Variants in CDH13 observed in about 807,000 individuals in gnomAD.
CDH13 encodes the protein cadherin-13.
A neutral mutation model predicts 63.8 loss-of-function variants in CDH13; 24 were observed. The ratio of observed to expected loss-of-function variants is 0.38; its 90% CI spans 0.27 to 0.53. The LOEUF is 0.53. Ranked by LOEUF, CDH13 falls within the 20% of genes least tolerant of loss-of-function variation. CDH13 has a pLI of 0.85. For missense variants in CDH13, 1,049 were observed against 903.1 expected, an observed-to-expected ratio of 1.16 and a Z score of -2.07; for synonymous variants, 503 against 355.3, an observed-to-expected ratio of 1.42 and a Z score of -4.67.
At chr16:82,663,218 C>T (rs1456863031) in intron 1 of CDH13, among the ~76,000 whole-genome samples, 3 of 152,154 alleles carry the variant, frequency 2.0e-5, no homozygotes, top group Non-Finnish European at 4.4e-5. Context: ...GGGAGTTTCG[C>T]TGTTGTTGCC....
At chr16:83,211,475 A>G (rs2039334817) in intron 4 of CDH13, among the ~76,000 whole-genome samples, 1 of 152,224 alleles carries the variant, frequency 6.6e-6, no homozygotes, top group Non-Finnish European at 1.5e-5. Flanking sequence ...AAAACCACTC[A>G]AAGCTGCTAT....
chr16:83,572,638 A>C (rs1318693163), intron 7 of CDH13, among the ~76,000 whole-genome samples: 1 of 152,184 alleles, frequency 6.6e-6, no homozygotes, highest in East Asian at 1.9e-4. Context: ...CTCGCTCACC[A>C]GTTAATTGAT....
At chr16:82,896,850 G>A (rs1374058935) in intron 2 of CDH13, among the ~76,000 whole-genome samples, 3 of 143,242 alleles carry the variant, frequency 2.1e-5, no homozygotes, top group South Asian at 2.2e-4. Flanking sequence ...GTGCAGTCTC[G>A]GCTCACTGCA....
intron 2 of CDH13, among the ~76,000 whole-genome samples, chr16:82,973,132 T>C (rs1001908826): frequency 7.2e-5 from 11 of 152,236 alleles, no homozygotes; most frequent in African/African-American, 2.7e-4. Context: ...AACAATTAAA[T>C]GCTGTCTTAC....
intron 1 of CDH13, among the ~76,000 whole-genome samples, chr16:82,637,086 A>G (rs113817075): frequency 6.6e-6 from 1 of 152,194 alleles, no homozygotes; most frequent in Non-Finnish European, 1.5e-5. Flanking sequence ...ATGCATGCAG[A>G]TTATCTAAAT....
intron 6 of CDH13, among the ~76,000 whole-genome samples, chr16:83,413,661 A>T (rs2092159345): frequency 6.6e-6 from 1 of 152,132 alleles, no homozygotes; most frequent in Non-Finnish European, 1.5e-5. Flanking sequence ...TTATCCTCAA[A>T]ACAGCCCTCC....
chr16:83,216,041 G>A (rs1244240973), intron 4 of CDH13, among the ~76,000 whole-genome samples: 4 of 149,140 alleles, frequency 2.7e-5, no homozygotes, highest in Non-Finnish European at 5.9e-5. Context: ...ACATGCTTAA[G>A]CATATGCCAG....
At chr16:83,562,355 T>C (rs551848809) in intron 7 of CDH13, among the ~76,000 whole-genome samples, 2 of 152,196 alleles carry the variant, frequency 1.3e-5, no homozygotes, top group Non-Finnish European at 2.9e-5. Context: ...TTGCAAAGTA[T>C]ATAGCAAAAA....
At position 83,079,282 on chromosome 16, in the gene CDH13, A is replaced by C. The variant is rs544299718; in HGVS notation, c.367-46103A>C. Among the ~76,000 whole-genome samples, 14 of 152,308 alleles carry C rather than the reference A, an allele frequency of 9.2e-5. No homozygotes were observed. In the South Asian group the frequency reaches 2.9e-3, roughly 32 times the overall value. On this transcript the variant is annotated intron_variant, in intron 3 of 13. Coordinates refer to ENST00000567109, the MANE Select transcript of CDH13 (RefSeq NM_001257.5). ...TTAGAATATTCCATTGTATGAACGA[A>C]CACACCTTCTTTTATTAACCTTGCC... is the stretch of plus-strand genomic sequence containing the variant.
rs984851441 is a variant in CDH13, at chr16:83,797,071, T to C, written c.*2041T>C. 2.6e-5 allele frequency: 4 copies of C among 152,280 alleles called. No individual in the cohort carries two copies. Among genetic ancestry groups the C allele is most frequent in the Admixed American group, 2.6e-4 (4 of 15,290 alleles). 9.4% of individuals were successfully genotyped at this position (152,280 alleles called of 1,614,324 possible). ...ACTCCACAAGATTTCCTCTACTGGC[T>C]TTACAGGGCACTGTCACGCGTCTCC... On this transcript the variant is annotated 3_prime_UTR_variant, in exon 14 of 14. Transcript: ENST00000567109.
chr16:83,652,769 C>T (rs1912508762), intron 8 of CDH13, among the ~76,000 whole-genome samples: 1 of 152,124 alleles, frequency 6.6e-6, no homozygotes, highest in Non-Finnish European at 1.5e-5. Context: ...AGCCTGGAGT[C>T]CCCATATGAC....
chr16:82,888,266 A>G (rs1053935521), intron 2 of CDH13, among the ~76,000 whole-genome samples: 47 of 152,192 alleles, frequency 3.1e-4, no homozygotes, highest in African/African-American at 1.1e-3. Context: ...CCATTTTCAT[A>G]TAAGCTTCAT....
intron 5 of CDH13, among the ~76,000 whole-genome samples, chr16:83,256,149 T>G (rs1906232490): frequency 6.6e-6 from 1 of 152,126 alleles, no homozygotes; most frequent in African/African-American, 2.4e-5. Flanking sequence ...GCCTCCCACA[T>G]TAGCCTTCCA....
chr16:83,688,464 A>T lies in CDH13; in HGVS notation c.1538+10003A>T, dbSNP rs74741899. On this transcript the variant is annotated intron_variant, in intron 10 of 13. Coordinates refer to ENST00000567109, the MANE Select transcript of CDH13 (RefSeq NM_001257.5). ...GGTGACTCCCACCTTTTAAATTTTA[A>T]TCAGAAGTTAAAGGCCAAATTGTAA... 6.0e-4 allele frequency among the ~76,000 whole-genome samples: 91 copies of T among 152,330 alleles called. 3 individuals carry two copies. In the East Asian group the frequency reaches 0.016, roughly 27 times the overall value.
At chr16:82,916,529 G>A (rs1005011629) in intron 2 of CDH13, among the ~76,000 whole-genome samples, 2 of 151,766 alleles carry the variant, frequency 1.3e-5, no homozygotes, top group Non-Finnish European at 2.9e-5. Flanking sequence ...AGCTGAGATC[G>A]CGCCACAGCA....
chr16:82,637,240 G>A (rs1194084476), intron 1 of CDH13, among the ~76,000 whole-genome samples: 1 of 152,154 alleles, frequency 6.6e-6, no homozygotes, highest in Non-Finnish European at 1.5e-5. Flanking sequence ...CTGCAGTTCT[G>A]CATGTTTTTG....
chr16:82,872,671 G>T (rs1376558008), intron 2 of CDH13, among the ~76,000 whole-genome samples: 3 of 152,140 alleles, frequency 2.0e-5, no homozygotes, highest in African/African-American at 7.2e-5. Context: ...TGGCTTGAGA[G>T]CAAAAGGGCA....
In CDH13 at chr16:83,463,826, C is replaced by T. The variant is rs143640976; in HGVS notation, c.782-22651C>T. Among the ~76,000 whole-genome samples, 738 of 152,122 alleles carry T rather than the reference C, an allele frequency of 4.9e-3. 11 individuals are homozygous for T. The highest frequency in any genetic ancestry group is 0.017 in the African/African-American group (696 of 41,488). ...TCTCCAAAAAAAGCAAAGAAAGTGG[C>T]TTGGAGCACTTCGGATTCTGTTTCA... On this transcript the variant is annotated intron_variant, in intron 6 of 13. Coordinates refer to ENST00000567109, the MANE Select transcript of CDH13 (RefSeq NM_001257.5).
At chr16:83,015,677 GTATATATATATATATA>G (rs71148803) in intron 2 of CDH13, among the ~76,000 whole-genome samples, 2,831 of 37,604 alleles carry the variant, frequency 0.075, 188 homozygotes, top group South Asian at 0.11. Flanking sequence ...GTGTGTGTAT[GTATATATATATATATA>G]TATATATATA....
Sources: gnomAD v4.1 joint callset for allele counts (sites outside exome capture counted in the v4.1 genomes callset) on GRCh38, gnomAD v4.1.1 for gene constraint, MANE v1.5 for transcripts, NCBI Gene and HGNC (gene_info 2026-07-23, HGNC 2026-07-21) for gene names.